The following CNTN5 variants were observed in gnomAD, a reference collection of about 807,000 sequenced individuals.
CNTN5 encodes contactin-5.
CNTN5 carries 77 observed loss-of-function variants against 129.1 expected under a neutral mutation model. The observed-to-expected ratio is 0.60, with a 90% CI of 0.50 to 0.72. The LOEUF is 0.72. Among genes scored for constraint, CNTN5 ranks in the 30% least tolerant of loss-of-function variants. CNTN5 has a pLI of 0.00. For missense variants in CNTN5, 1,478 were observed against 1,328.8 expected (o/e 1.11, Z -1.75); for synonymous variants, 509 against 465.6 (o/e 1.09, Z -1.20).
intron 1 of CNTN5, among the ~76,000 whole-genome samples, chr11:99,111,373 A>G (rs1363511301): frequency 3.9e-5 from 6 of 151,928 alleles, no homozygotes; most frequent in African/African-American, 1.2e-4. Context: ...CAAAAAACTT[A>G]GAAAAGGTAC....
At chr11:99,397,730 T>A (rs1941599585) in intron 2 of CNTN5, among the ~76,000 whole-genome samples, 1 of 151,806 alleles carries the variant, frequency 6.6e-6, no homozygotes, top group African/African-American at 2.4e-5. Context: ...TTTCTGGTAT[T>A]ACAAGATGTT....
At chr11:99,373,070 ATGGTG>A (rs544148400) in intron 2 of CNTN5, among the ~76,000 whole-genome samples, 34,896 of 152,034 alleles carry the variant, frequency 0.23, 4,782 homozygotes, top group Middle Eastern at 0.32. Context: ...TTAGCGGGGC[ATGGTG>A]GCACATGGCT....
intron 1 of CNTN5, among the ~76,000 whole-genome samples, chr11:99,036,517 A>G (rs945489378): frequency 1.3e-5 from 2 of 152,156 alleles, no homozygotes; most frequent in African/African-American, 2.4e-5. Flanking sequence ...TTATCTATCA[A>G]TTTATTTCTC....
intron 1 of CNTN5, among the ~76,000 whole-genome samples, chr11:99,182,180 G>A (rs900548892): frequency 6.6e-6 from 1 of 152,140 alleles, no homozygotes; most frequent in African/African-American, 2.4e-5. Flanking sequence ...GCAGTGTGAG[G>A]ATATTGCTTT....
chr11:99,560,635 TAA>T (rs1426767838), intron 3 of CNTN5, among the ~76,000 whole-genome samples: 1 of 152,102 alleles, frequency 6.6e-6, no homozygotes, highest in Non-Finnish European at 1.5e-5. Flanking sequence ...AGTTAGGGGA[TAA>T]ACAGACTTAA....
chr11:100,157,822 G>A (rs568679583), intron 13 of CNTN5, among the ~76,000 whole-genome samples: 1 of 151,748 alleles, frequency 6.6e-6, no homozygotes, highest in South Asian at 2.1e-4. Context: ...TAAGACAGTG[G>A]TGATATTCCA....
intron 3 of CNTN5, among the ~76,000 whole-genome samples, chr11:99,814,900 T>C (rs1013066730): frequency 6.6e-6 from 1 of 152,108 alleles, no homozygotes; most frequent in Non-Finnish European, 1.5e-5. Flanking sequence ...CTTACAATCA[T>C]GATGGAAGGC....
chr11:99,640,776 C>T (rs1170486842), intron 3 of CNTN5, among the ~76,000 whole-genome samples: 1 of 152,148 alleles, frequency 6.6e-6, no homozygotes, highest in Admixed American at 6.5e-5. Context: ...TGTAAGTATA[C>T]TCTGATATTT....
chr11:99,153,693 C>G (rs561505716), intron 1 of CNTN5, among the ~76,000 whole-genome samples: 1 of 151,900 alleles, frequency 6.6e-6, no homozygotes, highest in Non-Finnish European at 1.5e-5. Context: ...GGTATGAGTG[C>G]AGTTGTTTGG....
intron 16 of CNTN5, among the ~76,000 whole-genome samples, chr11:100,231,997 T>C (rs1330207491): frequency 6.6e-6 from 1 of 151,768 alleles, no homozygotes; most frequent in African/African-American, 2.4e-5. Flanking sequence ...TTACTAAAAA[T>C]ACAAAAATTA....
At chr11:100,170,923 A>G (rs1412045894) in intron 13 of CNTN5, among the ~76,000 whole-genome samples, 1 of 152,030 alleles carries the variant, frequency 6.6e-6, no homozygotes, top group Non-Finnish European at 1.5e-5. Context: ...TTATGGGTAA[A>G]TAGGTGAAAT....
intron 1 of CNTN5, among the ~76,000 whole-genome samples, chr11:99,227,560 A>G (rs1226780922): frequency 6.6e-6 from 1 of 152,238 alleles, no homozygotes. Context: ...ATAAAGGAAA[A>G]CAAAACTATT....
At chr11:100,141,314 A>G (rs1253163083) in intron 13 of CNTN5, among the ~76,000 whole-genome samples, 1 of 152,132 alleles carries the variant, frequency 6.6e-6, no homozygotes, top group African/African-American at 2.4e-5. Flanking sequence ...GAGGGTTCCA[A>G]GGCAGAAAGT....
At chr11:99,057,642 A>C (rs1250024732) in intron 1 of CNTN5, among the ~76,000 whole-genome samples, 1 of 152,014 alleles carries the variant, frequency 6.6e-6, no homozygotes, top group Non-Finnish European at 1.5e-5. Flanking sequence ...TAGAGTGCCT[A>C]CTTTGTGCTA....
At chr11:99,748,713 G>A (rs1208832368) in intron 3 of CNTN5, among the ~76,000 whole-genome samples, 3 of 152,156 alleles carry the variant, frequency 2.0e-5, no homozygotes, top group East Asian at 3.9e-4. Flanking sequence ...GACAGAAAAA[G>A]ATGAATGTCC....
chr11:99,637,112 C>T (rs1951592458), intron 3 of CNTN5, among the ~76,000 whole-genome samples: 1 of 148,106 alleles, frequency 6.8e-6, no homozygotes, highest in African/African-American at 2.5e-5. Context: ...ATCTCTTTGG[C>T]AAAGTGTCCT....
chr11:99,484,498 T>A (rs1358771114), intron 2 of CNTN5, among the ~76,000 whole-genome samples: 2 of 152,176 alleles, frequency 1.3e-5, no homozygotes, highest in East Asian at 1.9e-4. Context: ...ATAAACAGTG[T>A]TACCATTTGA....
At chr11:99,570,606 T>C (rs1949146157) in intron 3 of CNTN5, among the ~76,000 whole-genome samples, 1 of 152,242 alleles carries the variant, frequency 6.6e-6, no homozygotes, top group Non-Finnish European at 1.5e-5. Context: ...GTATTTATTA[T>C]GTGCCTGCTA....
At chr11:99,515,427 A>G (rs1008971690) in intron 2 of CNTN5, among the ~76,000 whole-genome samples, 1 of 152,072 alleles carries the variant, frequency 6.6e-6, no homozygotes, top group Non-Finnish European at 1.5e-5. Flanking sequence ...TTGTTGTAGT[A>G]TTAGGTAAAC....
Sources: gnomAD v4.1 joint callset for allele counts (sites outside exome capture counted in the v4.1 genomes callset) on GRCh38, gnomAD v4.1.1 for gene constraint, MANE v1.5 for transcripts, NCBI Gene and HGNC (gene_info 2026-07-23, HGNC 2026-07-21) for gene names.